TMC1: variants seen among roughly 807,000 people sequenced by gnomAD.
TMC1 encodes transmembrane channel like 1, also known as transmembrane channel-like protein 1.
In TMC1, 84 loss-of-function variants were observed where a neutral mutation model predicts 105.8. That is an observed-to-expected ratio of 0.79 (90% confidence interval 0.67 to 0.95). The LOEUF is 0.95. Ranked by LOEUF, TMC1 falls within the 40% of genes least tolerant of loss-of-function variation. TMC1 has a pLI of 0.00. For missense variants in TMC1, 817 were observed against 914.1 expected (o/e 0.89, Z 1.37); for synonymous variants, 315 against 311.5 (o/e 1.01, Z -0.12).
intron 5 of TMC1, among the ~76,000 whole-genome samples, chr9:72,676,469 T>C (rs1826203926): frequency 6.6e-6 from 1 of 152,158 alleles, no homozygotes; most frequent in Admixed American, 6.6e-5. Flanking sequence ...GTATATTGCA[T>C]GTATTTATTA....
chr9:72,731,182 T>G (rs536696037), intron 8 of TMC1, among the ~76,000 whole-genome samples: 68 of 152,364 alleles, frequency 4.5e-4, no homozygotes, highest in African/African-American at 1.6e-3. Context: ...AATTAGCATA[T>G]GTTGAAATTC....
At chr9:72,568,516 G>C (rs1824208820) in intron 1 of TMC1, among the ~76,000 whole-genome samples, 1 of 152,134 alleles carries the variant, frequency 6.6e-6, no homozygotes, top group Non-Finnish European at 1.5e-5. Context: ...CACCAGGCTA[G>C]GCACCGCAGC....
At chr9:72,592,539 C>G (rs1186902440) in intron 2 of TMC1, among the ~76,000 whole-genome samples, 1 of 152,156 alleles carries the variant, frequency 6.6e-6, no homozygotes, top group African/African-American at 2.4e-5. Context: ...AATTTACCCC[C>G]TACTTCTCCT....
At chr9:72,602,563 T>G (rs1824836062) in intron 2 of TMC1, among the ~76,000 whole-genome samples, 1 of 151,856 alleles carries the variant, frequency 6.6e-6, no homozygotes, top group African/African-American at 2.4e-5. Flanking sequence ...TTAGTAGAGA[T>G]GGGGTTTCAC....
At chr9:72,760,829 G>A (rs1464898974) in intron 12 of TMC1, among the ~76,000 whole-genome samples, 4 of 152,120 alleles carry the variant, frequency 2.6e-5, no homozygotes, top group African/African-American at 7.2e-5. Context: ...GAGGTTGTGA[G>A]GAACTACCAA....
chr9:72,581,497 T>G (rs1201417468), intron 2 of TMC1, among the ~76,000 whole-genome samples: 1 of 152,212 alleles, frequency 6.6e-6, no homozygotes, highest in Non-Finnish European at 1.5e-5. Flanking sequence ...TTTCTCAATG[T>G]ATTCTCACTG....
In TMC1 at chr9:72,688,734, A is replaced by T; in HGVS notation, c.42A>T (p.Glu14Asp). The T allele has an allele frequency of 6.2e-7, 1 of 1,612,322 alleles. No homozygotes were observed. The highest frequency in any genetic ancestry group is 8.5e-7 in the Non-Finnish European group (1 of 1,178,894). Residue 14 changes from glutamate to aspartate, a missense_variant, in exon 6 of 24, where the codon GAA (glutamate) becomes GAT (aspartate). By Grantham distance (45) the Glu-to-Asp change is conservative. Transcript: ENST00000297784. ...KKVQIKVEEK[E>D]DETEESSSEE... The stretch of plus-strand genomic sequence containing the variant: ...TACAAATCAAAGTGGAGGAAAAAGA[A>T]GACGAGACTGAGGAAAGCTCAAGTA...
chr9:72,818,195 A>G (rs1320333185), intron 19 of TMC1, among the ~76,000 whole-genome samples: 1 of 152,196 alleles, frequency 6.6e-6, no homozygotes, highest in Non-Finnish European at 1.5e-5. Context: ...TACAGAAACA[A>G]TTAAAAATGT....
intron 1 of TMC1, among the ~76,000 whole-genome samples, chr9:72,528,163 C>T (rs1823437645): frequency 6.6e-6 from 1 of 152,012 alleles, no homozygotes; most frequent in African/African-American, 2.4e-5. Flanking sequence ...AAAAAAAGGC[C>T]CCAGAGAGCT....
chr9:72,576,418 C>T (rs1824380317), intron 1 of TMC1, among the ~76,000 whole-genome samples: 1 of 151,754 alleles, frequency 6.6e-6, no homozygotes, highest in African/African-American at 2.4e-5. Context: ...TTTCTCTTCT[C>T]TATCTTCTCG....
chr9:72,598,659 C>G (rs527768913), intron 2 of TMC1, among the ~76,000 whole-genome samples: 72 of 152,250 alleles, frequency 4.7e-4, no homozygotes, highest in African/African-American at 1.7e-3. Flanking sequence ...TGCCTTCTGC[C>G]TGCTAGGAAG....
intron 5 of TMC1, among the ~76,000 whole-genome samples, chr9:72,661,056 G>T (rs919460418): frequency 6.6e-6 from 1 of 152,146 alleles, no homozygotes; most frequent in African/African-American, 2.4e-5. Flanking sequence ...GGAGGCTGAG[G>T]CAGGAGAATC....
In TMC1 at chr9:72,820,986, C is replaced by G. The variant is rs752528578; in HGVS notation, c.1908C>G (p.Tyr636Ter). The G allele has an allele frequency of 6.2e-7, 1 of 1,614,146 alleles. No individual in the cohort carries two copies. Among genetic ancestry groups the G allele is most frequent in the Non-Finnish European group, 8.5e-7 (1 of 1,180,006 alleles). ...AAGCTTCCAGATCAAATAACTTCTA[C>G]CTGGGCATGCTACTGCTCATCCTCT... ...VFKASRSNNF[Y>*]LGMLLLILFL... Residue 636 changes from tyrosine (Y) to a stop codon, truncating the protein, a stop_gained, in exon 20 of 24, where the codon TAC becomes TAG. Coordinates refer to ENST00000297784, the MANE Select transcript of TMC1 (RefSeq NM_138691.3). LOFTEE classifies it high-confidence loss of function.
intron 13 of TMC1, among the ~76,000 whole-genome samples, chr9:72,786,823 G>C (rs1828175395): frequency 6.6e-6 from 1 of 152,060 alleles, no homozygotes; most frequent in Admixed American, 6.6e-5. Context: ...TCCCTGGGAG[G>C]CTGTCTTCAG....
At chr9:72,721,426 A>G (rs1411755691) in intron 8 of TMC1, among the ~76,000 whole-genome samples, 1 of 152,184 alleles carries the variant, frequency 6.6e-6, no homozygotes, top group African/African-American at 2.4e-5. Context: ...AATACTTTGT[A>G]TTAGCTGGGA....
At chr9:72,584,648 T>C (rs1824524730) in intron 2 of TMC1, among the ~76,000 whole-genome samples, 1 of 152,082 alleles carries the variant, frequency 6.6e-6, no homozygotes, top group Non-Finnish European at 1.5e-5. Flanking sequence ...TTAACTTTGC[T>C]CCTAGAGAAA....
intron 12 of TMC1, among the ~76,000 whole-genome samples, chr9:72,758,493 A>AT (rs1261398503): frequency 6.6e-6 from 1 of 152,246 alleles, no homozygotes. Flanking sequence ...ATAGATTCAA[A>AT]TGAGATGCTG....
At chr9:72,666,398 A>G (rs1330783973) in intron 5 of TMC1, among the ~76,000 whole-genome samples, 1 of 152,176 alleles carries the variant, frequency 6.6e-6, no homozygotes, top group Non-Finnish European at 1.5e-5. Context: ...AGCCTGGCAA[A>G]TCTCTGTTCC....
chr9:72,800,092 C>T lies in TMC1; in HGVS notation c.1567-5290C>T, dbSNP rs944838665. Among the ~76,000 whole-genome samples, 19 of 152,282 alleles carry T rather than the reference C, an allele frequency of 1.2e-4. 2 individuals carry two copies. In the South Asian group the frequency reaches 2.9e-3, roughly 23 times the overall value. On this transcript the variant is annotated intron_variant, in intron 17 of 23. Coordinates refer to ENST00000297784, the MANE Select transcript of TMC1 (RefSeq NM_138691.3). ...GAATTTAGACTTCTGACTTCCAGAA[C>T]TGTAAGAAGATAAATTTGCATTGTT...
Sources: allele counts gnomAD v4.1 joint callset (sites outside exome capture counted in the v4.1 genomes callset), GRCh38; gene constraint gnomAD v4.1.1; transcripts MANE v1.5; gene names NCBI Gene and HGNC (gene_info 2026-07-23, HGNC 2026-07-21).